ADSL: variants seen among roughly 807,000 people sequenced by gnomAD.
ADSL encodes the protein adenylosuccinase.
ADSL carries 44 observed loss-of-function variants against 62.1 expected under a neutral mutation model. The observed-to-expected ratio is 0.71, with a 90% CI of 0.56 to 0.91. ADSL has a LOEUF of 0.91. ADSL is among the 40% of genes least tolerant of loss of function. The pLI, the probability that ADSL is intolerant of heterozygous loss-of-function variation, is 0.00. For synonymous variants in ADSL, 198 were observed against 220.5 expected, an observed-to-expected ratio of 0.90 and a Z score of 0.90; for missense variants, 531 against 627.4, an observed-to-expected ratio of 0.85 and a Z score of 1.64.
chr22:40,376,411 C>T (rs957703645), intron 2 of ADSL: 1 of 151,914 alleles, frequency 6.6e-6, no homozygotes, highest in Non-Finnish European at 1.5e-5. Context: ...GCTTTAATCT[C>T]ATGAGTTGCT....
At chr22:40,355,481 C>T (rs1050322496) in intron 4 of ADSL, among the ~76,000 whole-genome samples, 16 of 152,214 alleles carry the variant, frequency 1.1e-4, no homozygotes, top group Admixed American at 3.3e-4. Context: ...TAAACAGAAT[C>T]GCATACAATA....
At chr22:40,383,851 G>A (rs1367978852) in intron 2 of ADSL, among the ~76,000 whole-genome samples, 2 of 152,202 alleles carry the variant, frequency 1.3e-5, no homozygotes, top group African/African-American at 4.8e-5. Context: ...CAGAAAAGTG[G>A]CAGGGAGGGT....
chr22:40,362,907 C>G, intron 9 of ADSL, 74 bp from the exon 10 acceptor site: 1 of 1,365,522 alleles, frequency 7.3e-7, no homozygotes, highest in South Asian at 1.2e-5. Context: ...AGTAGGGCAA[C>G]TTGTTGGGAC....
chr22:40,385,581 C>T (rs984700306), intron 2 of ADSL, among the ~76,000 whole-genome samples: 7 of 152,200 alleles, frequency 4.6e-5, no homozygotes, highest in South Asian at 4.1e-4. Flanking sequence ...CGTTTTGACA[C>T]GGAGAATAAG....
intron 3 of ADSL, chr22:40,353,417 C>G (rs1157541376): frequency 1.4e-6 from 1 of 702,214 alleles, no homozygotes; most frequent in Admixed American, 2.0e-5. Flanking sequence ...CTCAGTCTCC[C>G]AAGTAGGTGG....
chr22:40,377,427 A>G (rs1027892268), intron 2 of ADSL, among the ~76,000 whole-genome samples: 1 of 152,236 alleles, frequency 6.6e-6, no homozygotes, highest in Non-Finnish European at 1.5e-5. Context: ...ATGTCCTACT[A>G]CATATCCTTC....
chr22:40,376,802 A>G (rs2046704893), intron 2 of ADSL, among the ~76,000 whole-genome samples: 1 of 152,156 alleles, frequency 6.6e-6, no homozygotes, highest in Non-Finnish European at 1.5e-5. Context: ...AATTTAGCAT[A>G]TAATCAAGAA....
intron 4 of ADSL, 118 bp from the exon 5 acceptor site, chr22:40,358,746 C>G: frequency 1.1e-6 from 1 of 901,986 alleles, no homozygotes. Context: ...GTTACTCCCT[C>G]TCTTACTTAA....
At chr22:40,386,647 C>G (rs1036123600) in intron 2 of ADSL, among the ~76,000 whole-genome samples, 1 of 144,798 alleles carries the variant, frequency 6.9e-6, no homozygotes, top group South Asian at 2.2e-4. Context: ...GTCTTGAACT[C>G]CTGGCCTCAA....
chr22:40,366,548 C>T lies in ADSL; in HGVS notation c.*26C>T. ...AGTTGGAAGAGAATTAAACGAAAAT[C>T]ATTGTTAATTGCTGAGGCATGAAAA... On this transcript the variant is annotated 3_prime_UTR_variant, in exon 13 of 13. Coordinates refer to ENST00000623063, the MANE Select transcript of ADSL (RefSeq NM_000026.4). 6.6e-7 allele frequency: 1 copy of T among 1,521,938 alleles called. No individual in the cohort carries two copies. Among genetic ancestry groups the T allele is most frequent in the Non-Finnish European group, 9.1e-7 (1 of 1,096,046 alleles). The allele number at this position is 1,521,938 out of a possible 1,614,324, so 94.3% of individuals were successfully genotyped here. A position where few individuals can be genotyped will look rare whatever the true frequency, so the allele number is the denominator to read the frequency against.
chr22:40,372,120 C>G (rs866595625), downstream of ADSL, among the ~76,000 whole-genome samples: 11 of 120,232 alleles, frequency 9.1e-5, no homozygotes, highest in East Asian at 2.5e-4. Flanking sequence ...TGTCCCCCCC[C>G]CCTTTTTTTT....
At chr22:40,352,725 C>A (rs1236361579) in intron 2 of ADSL, among the ~76,000 whole-genome samples, 1 of 152,146 alleles carries the variant, frequency 6.6e-6, no homozygotes, top group Non-Finnish European at 1.5e-5. Flanking sequence ...ATGTTGAACT[C>A]CTGGCCTAAG....
chr22:40,379,871 A>G (rs2047275133), intron 2 of ADSL, among the ~76,000 whole-genome samples: 1 of 152,008 alleles, frequency 6.6e-6, no homozygotes, highest in Admixed American at 6.6e-5. Flanking sequence ...CACCACGCCC[A>G]GCTAATTTTT....
chr22:40,366,035 G>T (rs1426378095), intron 12 of ADSL, among the ~76,000 whole-genome samples: 1 of 151,936 alleles, frequency 6.6e-6, no homozygotes, highest in African/African-American at 2.4e-5. Flanking sequence ...TACTGCAACG[G>T]GCCAAGCAGT....
Position 40,368,016 on chromosome 22 carries a change from C to T in ADSL, c.*1494C>T, listed in dbSNP as rs143509180. 6.6e-6 allele frequency: 1 copy of T among 152,228 alleles called. No homozygotes were observed. Among genetic ancestry groups the T allele is most frequent in the East Asian group, 1.9e-4 (1 of 5,178 alleles). The allele number at this position is 152,228 out of a possible 1,614,324, so 9.4% of individuals were successfully genotyped here. A position where few individuals can be genotyped will look rare whatever the true frequency, so the allele number is the denominator to read the frequency against. The stretch of plus-strand genomic sequence containing the variant: ...TGGCATTACATTCAATTTTGGATAC[C>T]CAGTCTGAGGAATAGAGATGAACTG... On this transcript the variant is annotated 3_prime_UTR_variant, in exon 13 of 13. Coordinates refer to ENST00000623063, the MANE Select transcript of ADSL (RefSeq NM_000026.4).
chr22:40,384,003 C>G (rs1295958945), intron 2 of ADSL, among the ~76,000 whole-genome samples: 2 of 152,180 alleles, frequency 1.3e-5, no homozygotes, highest in Admixed American at 1.3e-4. Context: ...AATCCTAACA[C>G]TTTGGGAGGC....
intron 2 of ADSL, among the ~76,000 whole-genome samples, chr22:40,382,790 T>C (rs997675206): frequency 6.6e-6 from 1 of 152,204 alleles, no homozygotes; most frequent in South Asian, 2.1e-4. Context: ...ATGCCAAGCA[T>C]GTGATAGGGG....
chr22:40,349,744 A>C, intron 1 of ADSL, 88 bp from the exon 2 acceptor site: 1 of 1,183,870 alleles, frequency 8.4e-7, no homozygotes, highest in South Asian at 1.3e-5. Context: ...AGTGCTGCTA[A>C]CATGAATCAG....
downstream of ADSL, among the ~76,000 whole-genome samples, chr22:40,371,310 AAAAT>A (rs774623742): frequency 9.2e-5 from 14 of 152,364 alleles, no homozygotes; most frequent in Non-Finnish European, 1.8e-4. Flanking sequence ...TTTGGAAAGA[AAAAT>A]AAAGATGTTT....
Sources: allele counts gnomAD v4.1 joint callset (sites outside exome capture counted in the v4.1 genomes callset), GRCh38; gene constraint gnomAD v4.1.1; transcripts MANE v1.5; gene names NCBI Gene and HGNC (gene_info 2026-07-23, HGNC 2026-07-21).